The following SEMA3B variants were observed in gnomAD, a reference collection of about 807,000 sequenced individuals.
SEMA3B encodes semaphorin 3B.
A neutral mutation model predicts 77.8 loss-of-function variants in SEMA3B; 71 were observed. The ratio of observed to expected loss-of-function variants is 0.91; its 90% CI spans 0.75 to 1.11. The LOEUF is 1.11. SEMA3B is among the 50% of genes most tolerant of loss of function. SEMA3B has a pLI of 0.00. For missense variants in SEMA3B, 968 were observed against 1,056.8 expected (o/e 0.92, Z 1.17); for synonymous variants, 470 against 452.9 (o/e 1.04, Z -0.48).
Position 50,274,941 on chromosome 3 carries a change from C to A in SEMA3B, c.1449+7C>A, listed in dbSNP as rs1553706210. 4 of 1,606,952 alleles carry A rather than the reference C, an allele frequency of 2.5e-6. No individual in the cohort carries two copies. The Admixed American group carries it at 6.7e-5, about 27-fold the overall frequency. The stretch of plus-strand genomic sequence containing the variant: ...GGAGCTGCACGTGTTTGAGGTGAGG[C>A]CTCACCCCCAGTCGCCCGGGACCCC... On this transcript the variant is annotated splice_region_variant and intron_variant, in intron 12 of 16. Coordinates refer to ENST00000616701, the MANE Select transcript of SEMA3B (RefSeq NM_001290060.2). This position sits in a 1 kb window ranked among gnomAD's most constrained non-coding sequence, Gnocchi z 4.7.
Position 50,276,244 on chromosome 3 carries a change from G to A in SEMA3B, c.1846-58G>A. Reference sequence around the variant, plus strand: ...TTTGCTTCTTCCGTCGCGTGCTAGGGCCCGGAAGCCCTGTTCCCGGCCCGA... The same window carrying A: ...TTTGCTTCTTCCGTCGCGTGCTAGGACCCGGAAGCCCTGTTCCCGGCCCGA... On this transcript the variant is annotated intron_variant, in intron 16 of 16. Transcript: ENST00000616701. The surrounding 1 kb of genome is among the most constrained non-coding windows in gnomAD (Gnocchi z 5.8). 7.0e-7 allele frequency: 1 copy of A among 1,431,188 alleles called. No homozygotes were observed. Among genetic ancestry groups the A allele is most frequent in the African/African-American group, 1.5e-5 (1 of 68,218 alleles). The allele number at this position is 1,431,188 out of a possible 1,614,324, so 88.7% of individuals were successfully genotyped here.
In SEMA3B at chr3:50,270,554, G is replaced by A; in HGVS notation, c.330+59G>A. ...GGGTCAGCCCCTCACCCCAGAGACAGGGCAGGGCTAAAACAGAGGCCTGCC... is the reference window on the plus strand; with the variant it reads ...GGGTCAGCCCCTCACCCCAGAGACAAGGCAGGGCTAAAACAGAGGCCTGCC... On this transcript the variant is annotated intron_variant, in intron 3 of 16. Coordinates refer to ENST00000616701, the MANE Select transcript of SEMA3B (RefSeq NM_001290060.2). This position sits in a 1 kb window ranked among gnomAD's most constrained non-coding sequence, Gnocchi z 4.7. 2 of 1,607,984 alleles carry A rather than the reference G, an allele frequency of 1.2e-6. No homozygotes were observed. The highest frequency in any genetic ancestry group is 1.7e-5 in the Admixed American group (1 of 59,908).
chr3:50,270,142 A>G lies in SEMA3B; in HGVS notation c.125A>G (p.His42Arg), dbSNP rs1553705083. 8 of 1,558,342 alleles carry G rather than the reference A, an allele frequency of 5.1e-6. No individual in the cohort carries two copies. The highest frequency in any genetic ancestry group is 6.9e-6 in the Non-Finnish European group (8 of 1,152,744). The change falls in exon 2 of 17, where the codon CAT (histidine) becomes CGT (arginine). Residue 42 changes from histidine to arginine, a missense_variant. Physicochemically the swap from His to Arg is conservative, Grantham distance 29. Transcript: ENST00000616701. The surrounding 1 kb of genome is among the most constrained non-coding windows in gnomAD (Gnocchi z 4.7). The stretch of plus-strand genomic sequence containing the variant: ...TGCCCTGCAGAGCTCCAGGCCTGGC[A>G]TGGTCTCCAGACTTTCAGCCTGGAG... ...RLSFQELQAW[H>R]GLQTFSLERT...
Position 50,276,148 on chromosome 3 carries a change from C to T in SEMA3B, c.1846-154C>T. The T allele has an allele frequency of 9.3e-7, 1 of 1,075,930 alleles. No homozygotes were observed. Among genetic ancestry groups the T allele is most frequent in the Non-Finnish European group, 1.3e-6 (1 of 780,964 alleles). 66.6% of individuals were successfully genotyped at this position (1,075,930 alleles called of 1,614,324 possible). On this transcript the variant is annotated intron_variant, in intron 16 of 16. Transcript: ENST00000616701. This position sits in a 1 kb window ranked among gnomAD's most constrained non-coding sequence, Gnocchi z 5.8. ...ATTCTCCCTTGAAGACCACCAGCTC[C>T]CAAACACTCAGCCTTAAAATGTGCG... is the stretch of plus-strand genomic sequence containing the variant.
Position 50,271,184 on chromosome 3 carries a change from G to GAGTCCAAGAGCTCACCTT in SEMA3B, c.544+11_544+12insAGCTCACCTTAGTCCAAG. 1 of 1,565,740 alleles carries GAGTCCAAGAGCTCACCTT rather than the reference G, an allele frequency of 6.4e-7. No homozygotes were observed. Among genetic ancestry groups the GAGTCCAAGAGCTCACCTT allele is most frequent in the Non-Finnish European group, 8.7e-7 (1 of 1,155,406 alleles). On this transcript the variant is annotated splice_donor_region_variant and intron_variant, in intron 5 of 16. Coordinates refer to ENST00000616701, the MANE Select transcript of SEMA3B (RefSeq NM_001290060.2). ...TCGGGCTGCCTCCGTGCTGGTGGGTGAGTCCAAGGGCTAAGGCCCCAAGAG... is the reference window on the plus strand; with the variant it reads ...TCGGGCTGCCTCCGTGCTGGTGGGTGAGTCCAAGAGCTCACCTTAGTCCAAGGGCTAAGGCCCCAAGAG...
Position 50,275,819 on chromosome 3 carries a change from G to T in SEMA3B, c.1820G>T (p.Arg607Leu). ...GCGCGCGTGGAGTGGACTTTCCAGC[G>T]CGCAGGGGTGACAGCCCACACCCAG... ...LQARVEWTFQRAGVTAHTQVL... is the reference protein window; with the variant it reads ...LQARVEWTFQLAGVTAHTQVL... Residue 607 changes from arginine (R) to leucine (L), a missense_variant, in exon 16 of 17, where the codon CGC (arginine) becomes CTC (leucine). By Grantham distance (102) the Arg-to-Leu change is moderately radical. Coordinates refer to ENST00000616701, the MANE Select transcript of SEMA3B (RefSeq NM_001290060.2). The surrounding 1 kb of genome is among the most constrained non-coding windows in gnomAD (Gnocchi z 7.5). 6.2e-7 allele frequency: 1 copy of T among 1,608,020 alleles called. No individual in the cohort carries two copies. Among genetic ancestry groups the T allele is most frequent in the Non-Finnish European group, 8.5e-7 (1 of 1,178,864 alleles).
In SEMA3B at chr3:50,276,479, G is replaced by A. The variant is rs1001601310; in HGVS notation, c.2023G>A (p.Glu675Lys). The change falls in exon 17 of 17, where the codon GAG becomes AAG. Residue 675 changes from glutamate (E) to lysine (K), a missense_variant. Glu to Lys is a moderately conservative substitution (Grantham distance 56). Transcript: ENST00000616701. The surrounding 1 kb of genome is among the most constrained non-coding windows in gnomAD (Gnocchi z 5.8). ...ATQAERLARA[E>K]EAAPAAPPGP... is the part of the protein sequence containing the mutation. ...GCAGGCCGAACGACTGGCGCGGGCC[G>A]AGGAGGCTGCGCCCGCCGCGCCGCC... 9.1e-6 allele frequency: 14 copies of A among 1,531,076 alleles called. No individual in the cohort carries two copies. The East Asian group carries it at 3.4e-4, about 38-fold the overall frequency. 94.8% of individuals were successfully genotyped at this position (1,531,076 alleles called of 1,614,324 possible). A position where few individuals can be genotyped will look rare whatever the true frequency, so the allele number is the denominator to read the frequency against.
chr3:50,273,568 A>C lies in SEMA3B; in HGVS notation c.844A>C (p.Lys282Gln). The C allele has an allele frequency of 6.2e-7, 1 of 1,613,190 alleles. No individual in the cohort carries two copies. Residue 282 changes from lysine to glutamine, a missense_variant, in exon 8 of 17, where the codon AAG becomes CAG. Transcript: ENST00000616701. This position sits in a 1 kb window ranked among gnomAD's most constrained non-coding sequence, Gnocchi z 6.5. ...DVGGQRSLVN[K>Q]WTTFLKARLV... ...GGGCGGCCAGCGCAGCCTGGTCAAC[A>C]AGTGGACGACGTTCCTGAAGGCGCG...
chr3:50,275,353 C>G lies in SEMA3B; in HGVS notation c.1543C>G (p.Arg515Gly). The G allele has an allele frequency of 1.3e-6, 2 of 1,583,460 alleles. No homozygotes were observed. Among genetic ancestry groups the G allele is most frequent in the Non-Finnish European group, 1.7e-6 (2 of 1,166,468 alleles). ...RSAVAQIALH[R>G]CAAHGRVCTE... ...CGCGGTGGCCCAGATCGCGTTGCAC[C>G]GCTGCGCTGCCCACGGCCGCGTCTG... is the stretch of plus-strand genomic sequence containing the variant. Residue 515 changes from arginine (R) to glycine (G), a missense_variant, in exon 14 of 17, where the codon CGC becomes GGC. Coordinates refer to ENST00000616701, the MANE Select transcript of SEMA3B (RefSeq NM_001290060.2). The surrounding 1 kb of genome is among the most constrained non-coding windows in gnomAD (Gnocchi z 7.5).
chr3:50,272,569 G>A (rs1349397493), intron 6 of SEMA3B, among the ~76,000 whole-genome samples: 2 of 152,048 alleles, frequency 1.3e-5, no homozygotes, highest in East Asian at 3.9e-4. Context: ...AAATTAGTCC[G>A]GCATGATGGT....
Position 50,270,908 on chromosome 3 carries a change from G to A in SEMA3B, c.349G>A (p.Val117Met), listed in dbSNP as rs1275816205. 5.0e-6 allele frequency: 8 copies of A among 1,608,736 alleles called. No individual in the cohort carries two copies. Among genetic ancestry groups the A allele is most frequent in the Admixed American group, 3.4e-5 (2 of 59,242 alleles). ...KDIGTECMNFVKLLHAYNRTH... is the reference protein window; with the variant it reads ...KDIGTECMNFMKLLHAYNRTH... ...CTACTAGACTGAGTGCATGAACTTC[G>A]TGAAGTTGCTGCATGCCTACAACCG... The change falls in exon 4 of 17, where the codon GTG (valine) becomes ATG (methionine). Residue 117 changes from valine (V) to methionine (M), a missense_variant. Transcript: ENST00000616701. The surrounding 1 kb of genome is among the most constrained non-coding windows in gnomAD (Gnocchi z 4.7).
In SEMA3B at chr3:50,273,549, C is replaced by T; in HGVS notation, c.825C>T (p.Gly275=). The T allele has an allele frequency of 7.4e-6, 12 of 1,612,748 alleles. No individual in the cohort carries two copies. The highest frequency in any genetic ancestry group is 9.3e-6 in the Non-Finnish European group (11 of 1,179,344). ...CGTCCCGGCAGAACGACGTGGGCGG[C>T]CAGCGCAGCCTGGTCAACAAGTGGA... ...VGQICRNDVG[G]QRSLVNKWTT... Residue 275 remains glycine, a synonymous_variant, in exon 8 of 17, where the codon GGC becomes GGT. Transcript: ENST00000616701. This position sits in a 1 kb window ranked among gnomAD's most constrained non-coding sequence, Gnocchi z 6.5.
At chr3:50,263,213 G>A (rs1331438050), upstream of SEMA3B, 1 of 152,154 alleles carries the variant, frequency 6.6e-6, no homozygotes, top group African/African-American at 2.4e-5. Context: ...TGGTCCTGTG[G>A]CCTCGGTGTG....
Position 50,275,517 on chromosome 3 carries a change from G to A in SEMA3B, c.1650-43G>A. ...GAGGCGAAGGGTCTTTCACTGCCCG[G>A]GGCTGAAAGAAGGGCTCACAGAAGA... On this transcript the variant is annotated intron_variant, in intron 14 of 16. Transcript: ENST00000616701. The surrounding 1 kb of genome is among the most constrained non-coding windows in gnomAD (Gnocchi z 7.5). The A allele has an allele frequency of 1.2e-6, 2 of 1,613,352 alleles. No homozygotes were observed. Among genetic ancestry groups the A allele is most frequent in the Non-Finnish European group, 1.7e-6 (2 of 1,179,746 alleles).
rs1559791501 is a variant in SEMA3B, at chr3:50,275,844, G to A, written c.1845G>A (p.Gln615=). The part of the protein sequence containing the change: ...FQRAGVTAHT[Q]VLAEERTERT... ...GCGCAGGGGTGACAGCCCACACCCA[G>A]GTGAGCCTTACTCCGCCCTCCCCGC... Residue 615 remains glutamine, a splice_region_variant and synonymous_variant, in exon 16 of 17, where the codon CAG becomes CAA. Coordinates refer to ENST00000616701, the MANE Select transcript of SEMA3B (RefSeq NM_001290060.2). The surrounding 1 kb of genome is among the most constrained non-coding windows in gnomAD (Gnocchi z 7.5). 3 of 1,595,186 alleles carry A rather than the reference G, an allele frequency of 1.9e-6. No individual in the cohort carries two copies. Among genetic ancestry groups the A allele is most frequent in the South Asian group, 1.1e-5 (1 of 89,406 alleles).
upstream of SEMA3B, chr3:50,269,039 G>A: frequency 1.7e-6 from 1 of 590,118 alleles, no homozygotes; most frequent in South Asian, 2.0e-5. The surrounding 1 kb of genome is among the most constrained non-coding windows in gnomAD (Gnocchi z 4.0). Flanking sequence ...CACCCTCGGA[G>A]GGGAGGGTTC....
At position 50,270,428 on chromosome 3, in the gene SEMA3B, G is replaced by A. The variant is rs781910231; in HGVS notation, c.268-5G>A. ...TGTGTCCCCTCTCCCCCAACCTCCCGATAGCTGGCCTGGCCGGCCCCTGTG... is the reference window on the plus strand; with the variant it reads ...TGTGTCCCCTCTCCCCCAACCTCCCAATAGCTGGCCTGGCCGGCCCCTGTG... On this transcript the variant is annotated splice_polypyrimidine_tract_variant and splice_region_variant and intron_variant, in intron 2 of 16. Transcript: ENST00000616701. The surrounding 1 kb of genome is among the most constrained non-coding windows in gnomAD (Gnocchi z 4.7). 95 of 1,613,734 alleles carry A rather than the reference G, an allele frequency of 5.9e-5. No individual in the cohort carries two copies. The highest frequency in any genetic ancestry group is 1.9e-4 in the South Asian group (17 of 91,080).
chr3:50,262,661 C>T (rs1436125466), upstream of SEMA3B: 7 of 152,258 alleles, frequency 4.6e-5, no homozygotes, highest in African/African-American at 1.7e-4. Context: ...CTTTTCTCCC[C>T]TTGCCAGAGA....
rs1286441472 is a variant in SEMA3B at position 50,273,044 on chromosome 3, C to T, written c.665-254C>T. ...GTGTGGGGCGAGATCGGAGGCTAGC[C>T]GGGCTTCACGCCTGCGCCCCCAGGT... is the stretch of plus-strand genomic sequence containing the variant. On this transcript the variant is annotated intron_variant, in intron 6 of 16. Transcript: ENST00000616701. The surrounding 1 kb of genome is among the most constrained non-coding windows in gnomAD (Gnocchi z 6.5). The T allele has an allele frequency of 4.0e-6, 2 of 493,842 alleles. No homozygotes were observed. The highest frequency in any genetic ancestry group is 3.9e-5 in the East Asian group (1 of 25,432). The allele number at this position is 493,842 out of a possible 1,614,324, so 30.6% of individuals were successfully genotyped here.
Sources: allele counts gnomAD v4.1 joint callset (sites outside exome capture counted in the v4.1 genomes callset), GRCh38; gene constraint gnomAD v4.1.1; non-coding constraint Gnocchi (gnomAD v3.1); transcripts MANE v1.5; gene names NCBI Gene and HGNC (gene_info 2026-07-23, HGNC 2026-07-21).